Variants in PABIR2 observed in about 807,000 individuals in gnomAD.
The protein encoded by PABIR2 is PABIR family member 2.
A neutral mutation model predicts 22.8 loss-of-function variants in PABIR2; 7 were observed. The observed-to-expected ratio is 0.31, with a 90% CI of 0.17 to 0.58. The LOEUF is 0.58. Among genes scored for constraint, PABIR2 ranks in the 20% least tolerant of loss-of-function variants. PABIR2 has a pLI of 0.89. For synonymous variants in PABIR2, 67 were observed against 73.8 expected (o/e 0.91, Z 0.47); for missense variants, 155 against 205.1 (o/e 0.76, Z 1.49).
At chrX:134,793,504 A>G (rs892337087) in intron 2 of PABIR2, 8 of 350,996 alleles carry the variant, frequency 2.3e-5, no homozygotes, top group Non-Finnish European at 4.1e-5. Context: ...CCTACGACAA[A>G]TGAAGACCAC....
At chrX:134,787,619 T>C (rs2079374805) in intron 6 of PABIR2, 86 bp from the exon 7 acceptor site, 5 of 832,053 alleles carry the variant, frequency 6.0e-6, no homozygotes, top group Non-Finnish European at 8.3e-6. Flanking sequence ...TCTTTTTTTT[T>C]TTTTTTTTTT....
intron 6 of PABIR2, among the ~76,000 whole-genome samples, chrX:134,788,454 T>TATAC (rs1384076387): frequency 9.4e-6 from 1 of 106,272 alleles, no homozygotes; most frequent in Non-Finnish European, 1.9e-5. Context: ...ATGTGTTATA[T>TATAC]ATGTTATATA....
At chrX:134,775,465 G>A (rs1204582428) in intron 9 of PABIR2, among the ~76,000 whole-genome samples, 4 of 99,744 alleles carry the variant, frequency 4.0e-5, no homozygotes, top group Non-Finnish European at 2.0e-5. Context: ...CTTGCAGTGA[G>A]CTGAGATTGC....
At chrX:134,796,015 G>T in intron 1 of PABIR2, 93 bp downstream of exon 1, 1 of 871,437 alleles carries the variant, frequency 1.1e-6, no homozygotes. Flanking sequence ...GAGCCCAAAT[G>T]AGCTCAAACG....
chrX:134,775,836 G>T (rs1261065796), intron 9 of PABIR2, among the ~76,000 whole-genome samples: 1 of 111,246 alleles, frequency 9.0e-6, no homozygotes, highest in African/African-American at 3.3e-5. Flanking sequence ...CCTTGCTCTG[G>T]GTTAAACTGA....
chrX:134,793,606 CAA>C, intron 2 of PABIR2: 1 of 505,551 alleles, frequency 2.0e-6, no homozygotes, highest in African/African-American at 2.3e-5. Context: ...TTAAAAAATA[CAA>C]AGTCACACAG....
rs1265895325 is a variant in PABIR2, at chrX:134,770,249, AT to A, written c.*1889del. 1 of 112,284 alleles carries A rather than the reference AT, an allele frequency of 8.9e-6. No homozygotes were observed. The highest frequency in any genetic ancestry group is 2.8e-4 in the East Asian group (1 of 3,607). 9.3% of individuals were successfully genotyped at this position (112,284 alleles called of 1,213,427 possible). A position where few individuals can be genotyped will look rare whatever the true frequency, so the allele number is the denominator to read the frequency against. On this transcript the variant is annotated 3_prime_UTR_variant, in exon 10 of 10. Coordinates refer to ENST00000343004, the MANE Select transcript of PABIR2 (RefSeq NM_001387468.1). Reference sequence around the variant, plus strand: ...ACATGATCTTTTACAAACAGAATAGATACACTGCATACCATCGAAGAATTTT... The same window carrying A: ...ACATGATCTTTTACAAACAGAATAGAACACTGCATACCATCGAAGAATTTT...
intron 9 of PABIR2, among the ~76,000 whole-genome samples, chrX:134,779,557 C>T (rs2079101793): frequency 8.9e-6 from 1 of 112,007 alleles, no homozygotes. Flanking sequence ...ATAGCCACTG[C>T]TAGAGATGGT....
chrX:134,793,355 GA>G (rs2079606642), intron 2 of PABIR2, among the ~76,000 whole-genome samples: 1 of 112,425 alleles, frequency 8.9e-6, no homozygotes, highest in Non-Finnish European at 1.9e-5. Context: ...TCTGGCTATA[GA>G]GATCAGTCAC....
At chrX:134,790,855 A>G (rs1193362596) in intron 2 of PABIR2, among the ~76,000 whole-genome samples, 1 of 112,737 alleles carries the variant, frequency 8.9e-6, no homozygotes. Flanking sequence ...TACAGGCGTG[A>G]GCCACTGCGC....
intron 7 of PABIR2, 83 bp downstream of exon 7, chrX:134,787,389 T>A: frequency 2.0e-6 from 2 of 996,269 alleles, no homozygotes; most frequent in Non-Finnish European, 2.8e-6. Flanking sequence ...TGTGAGCCAC[T>A]GCGCCCAGCC....
intron 9 of PABIR2, among the ~76,000 whole-genome samples, chrX:134,773,304 A>C (rs1198015890): frequency 9.1e-6 from 1 of 109,970 alleles, no homozygotes; most frequent in Non-Finnish European, 1.9e-5. Context: ...TGCCAAGTGC[A>C]GGAAGCACAC....
Position 134,789,215 on chromosome X carries a change from G to C in PABIR2, c.278+8C>G. The C allele has an allele frequency of 1.7e-6, 2 of 1,212,023 alleles. No individual in the cohort carries two copies. Among genetic ancestry groups the C allele is most frequent in the Admixed American group, 4.3e-5 (2 of 46,055 alleles). ...TTAGGCTAGGCCCTGCTCTTGCAAA[G>C]CACTAACCTTTCATGTGCAGTTTCT... On this transcript the variant is annotated splice_region_variant and intron_variant, in intron 4 of 9. Transcript: ENST00000343004.
chrX:134,771,474 C>T lies in PABIR2; in HGVS notation c.*665G>A, dbSNP rs2078836615. On this transcript the variant is annotated 3_prime_UTR_variant, in exon 10 of 10. Coordinates refer to ENST00000343004, the MANE Select transcript of PABIR2 (RefSeq NM_001387468.1). ...TGACTAATCCAAGCATCCTGTAAGT[C>T]CGTTTACATTCTCAGCACTAAAATC... 6 of 1,055,651 alleles carry T rather than the reference C, an allele frequency of 5.7e-6. No homozygotes were observed. Among genetic ancestry groups the T allele is most frequent in the Non-Finnish European group, 7.3e-6 (6 of 825,892 alleles). The allele number at this position is 1,055,651 out of a possible 1,213,427, so 87.0% of individuals were successfully genotyped here.
At chrX:134,791,380 C>T (rs1294948740) in intron 2 of PABIR2, among the ~76,000 whole-genome samples, 1 of 110,494 alleles carries the variant, frequency 9.1e-6, no homozygotes, top group Non-Finnish European at 1.9e-5. Flanking sequence ...AGCATGATTA[C>T]AAACTGGCCA....
At chrX:134,777,184 C>T (rs181726575) in intron 9 of PABIR2, among the ~76,000 whole-genome samples, 14 of 112,296 alleles carry the variant, frequency 1.2e-4, no homozygotes, top group Admixed American at 3.8e-4. Flanking sequence ...TCTCTATCCC[C>T]ATTTCTAAGA....
chrX:134,771,774 T>C lies in PABIR2; in HGVS notation c.*365A>G. ...AGAGAATTTCTGATCAAATCTGTCATATCACTGCTGCGGAAAAGGACCATT... is the reference window on the plus strand; with the variant it reads ...AGAGAATTTCTGATCAAATCTGTCACATCACTGCTGCGGAAAAGGACCATT... On this transcript the variant is annotated 3_prime_UTR_variant, in exon 10 of 10. Coordinates refer to ENST00000343004, the MANE Select transcript of PABIR2 (RefSeq NM_001387468.1). The C allele has an allele frequency of 2.5e-6, 2 of 813,013 alleles. No individual in the cohort carries two copies. The highest frequency in any genetic ancestry group is 1.5e-6 in the Non-Finnish European group (1 of 678,365). 67.0% of individuals were successfully genotyped at this position (813,013 alleles called of 1,213,427 possible).
At chrX:134,792,801 G>A (rs2079585725) in intron 2 of PABIR2, among the ~76,000 whole-genome samples, 1 of 111,797 alleles carries the variant, frequency 8.9e-6, no homozygotes, top group African/African-American at 3.3e-5. Flanking sequence ...AAAGTACTTT[G>A]TAATACGTAA....
At chrX:134,772,969 T>C (rs1364851751) in intron 9 of PABIR2, among the ~76,000 whole-genome samples, 1 of 111,738 alleles carries the variant, frequency 8.9e-6, no homozygotes, top group Non-Finnish European at 1.9e-5. Flanking sequence ...GTGGTCTCAA[T>C]ACCCGTTGTC....
Sources: gnomAD v4.1 joint callset for allele counts (sites outside exome capture counted in the v4.1 genomes callset) on GRCh38, gnomAD v4.1.1 for gene constraint, MANE v1.5 for transcripts, NCBI Gene and HGNC (gene_info 2026-07-23, HGNC 2026-07-21) for gene names.